The following PIWIL3 variants were observed in gnomAD, a reference collection of about 807,000 sequenced individuals.
PIWIL3 encodes piwi-like protein 3.
PIWIL3 carries 101 observed loss-of-function variants against 109.7 expected under a neutral mutation model. The ratio of observed to expected loss-of-function variants is 0.92; its 90% CI spans 0.78 to 1.09. The LOEUF (loss-of-function observed/expected upper bound fraction) is 1.09. PIWIL3 is among the 50% of genes least tolerant of loss of function. PIWIL3 has a pLI of 0.00. For synonymous variants in PIWIL3, 373 were observed against 376.4 expected, an observed-to-expected ratio of 0.99 and a Z score of 0.10; for missense variants, 1,031 against 1,072.6, an observed-to-expected ratio of 0.96 and a Z score of 0.54.
chr22:24,724,014 C>A (rs1922839721), intron 18 of PIWIL3, among the ~76,000 whole-genome samples: 3 of 152,120 alleles, frequency 2.0e-5, no homozygotes, highest in African/African-American at 7.2e-5. Flanking sequence ...ATTTAACAAG[C>A]CTTCCCACAG....
rs1440605509 is a variant in PIWIL3, at chr22:24,735,741, G to T, written c.1601C>A (p.Ala534Asp). The change falls in exon 13 of 21, where the codon GCC becomes GAC. Residue 534 changes from alanine to aspartate, a missense_variant. Transcript: ENST00000616349. ...TGGTTTCATAGTTATGCCCATGGGGGCTGTGACACTCTGTAGATGACCCTT... is the reference window on the plus strand; with the variant it reads ...TGGTTTCATAGTTATGCCCATGGGGTCTGTGACACTCTGTAGATGACCCTT... Reference protein sequence around the residue: ...SLKGHLQSVTAPMGITMKPAE... With the variant: ...SLKGHLQSVTDPMGITMKPAE... 1 of 1,610,742 alleles carries T rather than the reference G, an allele frequency of 6.2e-7. No homozygotes were observed. Among genetic ancestry groups the T allele is most frequent in the African/African-American group, 1.3e-5 (1 of 74,904 alleles).
At chr22:24,741,147 A>G (rs1923980915) in intron 12 of PIWIL3, among the ~76,000 whole-genome samples, 1 of 152,238 alleles carries the variant, frequency 6.6e-6, no homozygotes, top group Admixed American at 6.5e-5. Context: ...AAACAGGATT[A>G]AAAACAAAAA....
chr22:24,744,703 T>C (rs1477293312), intron 12 of PIWIL3, among the ~76,000 whole-genome samples: 1 of 152,170 alleles, frequency 6.6e-6, no homozygotes, highest in Non-Finnish European at 1.5e-5. Context: ...ATGACAATTG[T>C]AAATATATAT....
At chr22:24,737,000 G>A (rs1923695269) in intron 12 of PIWIL3, among the ~76,000 whole-genome samples, 2 of 152,172 alleles carry the variant, frequency 1.3e-5, no homozygotes, top group African/African-American at 4.8e-5. Flanking sequence ...AACAGTTTAG[G>A]CCACAAAGAC....
Position 24,724,896 on chromosome 22 carries a change from G to C in PIWIL3, c.2222C>G (p.Ser741Cys), listed in dbSNP as rs1391985550. The C allele has an allele frequency of 3.7e-6, 6 of 1,613,570 alleles. No homozygotes were observed. The highest frequency in any genetic ancestry group is 5.1e-6 in the Non-Finnish European group (6 of 1,179,840). Reference protein sequence around the residue: ...KKMSTYLKTISPNNFTLAFIV... With the variant: ...KKMSTYLKTICPNNFTLAFIV... ...AATTAATACAACCTACTTGTTAGGA[G>C]AGATGGTTTTTAAGTAGGTCGACAT... The change falls in exon 18 of 21, where the codon TCT (serine) becomes TGT (cysteine). Residue 741 changes from serine (S) to cysteine (C), a missense_variant. Coordinates refer to ENST00000616349, the MANE Select transcript of PIWIL3 (RefSeq NM_001255975.1).
At chr22:24,723,106 G>T (rs1425911874) in intron 19 of PIWIL3, 24 bp downstream of exon 19, 1 of 1,605,856 alleles carries the variant, frequency 6.2e-7, no homozygotes, top group South Asian at 1.1e-5. Context: ...ATAGAACCAT[G>T]TGCAAAAAAT....
In PIWIL3 at chr22:24,751,439, G is replaced by T; in HGVS notation, c.1037C>A (p.Thr346Lys). 1.9e-6 allele frequency: 3 copies of T among 1,613,930 alleles called. No homozygotes were observed. Among genetic ancestry groups the T allele is most frequent in the Non-Finnish European group, 2.5e-6 (3 of 1,179,960 alleles). Residue 346 changes from threonine to lysine, a missense_variant, in exon 9 of 21, where the codon ACA (threonine) becomes AAA (lysine). Transcript: ENST00000616349. ...DIDWKQNPED[T>K]FNKSDGSKIT... ...TTTGCTGCCATCTGATTTGTTAAAT[G>T]TGTCTTCAGGATTCTGCTTCCAATC...
chr22:24,754,980 A>G (rs1924938748), intron 6 of PIWIL3, 116 bp from the exon 7 acceptor site: 4 of 775,446 alleles, frequency 5.2e-6, no homozygotes, highest in South Asian at 4.8e-5. Flanking sequence ...CAATGAACAC[A>G]AAGTACTTGT....
intron 1 of PIWIL3, among the ~76,000 whole-genome samples, chr22:24,773,757 C>T (rs182030678): frequency 1.0e-3 from 145 of 140,494 alleles, no homozygotes; most frequent in African/African-American, 3.6e-3. Flanking sequence ...CTCTGTTGCC[C>T]AGGCTGGAGT....
chr22:24,746,507 G>A (rs762728985), intron 12 of PIWIL3, among the ~76,000 whole-genome samples: 1 of 151,898 alleles, frequency 6.6e-6, no homozygotes, highest in East Asian at 1.9e-4. Flanking sequence ...AATACAACAA[G>A]GATGCTCCCT....
intron 12 of PIWIL3, among the ~76,000 whole-genome samples, chr22:24,744,642 G>C (rs1416074315): frequency 2.6e-5 from 4 of 152,118 alleles, no homozygotes; most frequent in Non-Finnish European, 5.9e-5. Flanking sequence ...AAAACTATGA[G>C]ACAAAGAAGG....
intron 2 of PIWIL3, among the ~76,000 whole-genome samples, chr22:24,761,388 GAAAAGAGGTCTCA>G: frequency 6.6e-6 from 1 of 152,296 alleles, no homozygotes; most frequent in Non-Finnish European, 1.5e-5. Flanking sequence ...GTTGACAGGA[GAAAAGAGGTCTCA>G]ACTGTGCCAA....
chr22:24,753,945 G>A, intron 8 of PIWIL3, 69 bp downstream of exon 8: 2 of 1,341,758 alleles, frequency 1.5e-6, no homozygotes, highest in Admixed American at 3.6e-5. Context: ...GAAAACTATA[G>A]GACCATCTCT....
At chr22:24,771,720 C>T (rs1926141117) in intron 1 of PIWIL3, among the ~76,000 whole-genome samples, 1 of 148,472 alleles carries the variant, frequency 6.7e-6, no homozygotes, top group African/African-American at 2.5e-5. Flanking sequence ...GGATTGAAGA[C>T]TATTTCTCTC....
At chr22:24,740,172 C>T (rs558421587) in intron 12 of PIWIL3, among the ~76,000 whole-genome samples, 1 of 142,874 alleles carries the variant, frequency 7.0e-6, no homozygotes, top group East Asian at 2.2e-4. Flanking sequence ...AAGCCAAGAT[C>T]GTGCCACCAC....
intron 19 of PIWIL3, among the ~76,000 whole-genome samples, chr22:24,720,752 T>TA (rs1295245320): frequency 6.6e-6 from 1 of 152,256 alleles, no homozygotes; most frequent in African/African-American, 2.4e-5. Flanking sequence ...TCCTTCATTT[T>TA]ACTTCATTTC....
intron 19 of PIWIL3, among the ~76,000 whole-genome samples, chr22:24,720,270 T>C (rs956279952): frequency 1.4e-5 from 2 of 138,848 alleles, no homozygotes; most frequent in Admixed American, 1.4e-4. Context: ...TTTTTTTTTT[T>C]TTTTTTTTTT....
chr22:24,753,606 T>C (rs1189630417), intron 8 of PIWIL3, among the ~76,000 whole-genome samples: 1 of 152,186 alleles, frequency 6.6e-6, no homozygotes, highest in Non-Finnish European at 1.5e-5. Flanking sequence ...AGTAACTGGT[T>C]CTTTAAATCC....
chr22:24,749,513 C>T lies in PIWIL3; in HGVS notation c.1225G>A (p.Asp409Asn). Reference protein sequence around the residue: ...PQLCHMTGLTDEICKDYSIVK... With the variant: ...PQLCHMTGLTNEICKDYSIVK... ...ATGCTATAATCTTTACATATTTCAT[C>T]TGTTAGACCTTTAAAAAAATCCAAA... The change falls in exon 11 of 21, where the codon GAT becomes AAT. Residue 409 changes from aspartate (D) to asparagine (N), a missense_variant. Physicochemically the swap from Asp to Asn is conservative, Grantham distance 23. Transcript: ENST00000616349. 1 of 1,612,772 alleles carries T rather than the reference C, an allele frequency of 6.2e-7. No individual in the cohort carries two copies. Among genetic ancestry groups the T allele is most frequent in the Non-Finnish European group, 8.5e-7 (1 of 1,179,832 alleles).
Sources: allele counts gnomAD v4.1 joint callset (sites outside exome capture counted in the v4.1 genomes callset), GRCh38; gene constraint gnomAD v4.1.1; transcripts MANE v1.5; gene names NCBI Gene and HGNC (gene_info 2026-07-23, HGNC 2026-07-21).